The following UGT1A7 variants were observed in gnomAD, a reference collection of about 807,000 sequenced individuals.
UGT1A7 encodes UDP glucuronosyltransferase family 1 member A7.
A neutral mutation model predicts 45.6 loss-of-function variants in UGT1A7; 33 were observed. The observed-to-expected ratio is 0.72, with a 90% CI of 0.55 to 0.97. The LOEUF is 0.97. UGT1A7 is among the 50% of genes least tolerant of loss of function. UGT1A7 has a pLI of 0.00. For missense variants in UGT1A7, 684 were observed against 666.2 expected, an observed-to-expected ratio of 1.03 and a Z score of -0.29; for synonymous variants, 274 against 250.6, an observed-to-expected ratio of 1.09 and a Z score of -0.88.
At chr2:233,743,972 A>G in intron 1 of UGT1A7, 2 of 1,321,206 alleles carry the variant, frequency 1.5e-6, no homozygotes, top group African/African-American at 1.5e-5. Flanking sequence ...CAAGGCTGCC[A>G]GCACCCAGGC....
intron 3 of UGT1A7, 56 bp from the exon 4 acceptor site, chr2:233,768,164 C>T: frequency 1.2e-6 from 2 of 1,613,412 alleles, no homozygotes; most frequent in Non-Finnish European, 1.7e-6. Flanking sequence ...CTAGATGTGT[C>T]CAGCTGTGAA....
At position 233,769,465 on chromosome 2, in the gene UGT1A7, G is replaced by A. The variant is rs34036745; in HGVS notation, c.1295+1026G>A. On this transcript the variant is annotated intron_variant, in intron 4 of 4. Coordinates refer to ENST00000373426, the MANE Select transcript of UGT1A7 (RefSeq NM_019077.3). The surrounding 1 kb of genome is among the most constrained non-coding windows in gnomAD (Gnocchi z 4.4). The stretch of plus-strand genomic sequence containing the variant: ...GGTGCACACGTGTGCATTCATATGC[G>A]TGTGTGTGTGTGTGCGTGTGTTTAT... The A allele has an allele frequency of 1.9e-4, 256 of 1,316,538 alleles. No homozygotes were observed. Among genetic ancestry groups the A allele is most frequent in the Non-Finnish European group, 2.3e-4 (217 of 963,564 alleles). The allele number at this position is 1,316,538 out of a possible 1,614,324, so 81.6% of individuals were successfully genotyped here.
At chr2:233,765,419 T>G (rs970448073) in intron 1 of UGT1A7, among the ~76,000 whole-genome samples, 3 of 152,166 alleles carry the variant, frequency 2.0e-5, no homozygotes, top group Non-Finnish European at 4.4e-5. Context: ...TGGAATACTA[T>G]GCAGCCATAA....
intron 1 of UGT1A7, among the ~76,000 whole-genome samples, chr2:233,694,259 C>G (rs1291026484): frequency 6.6e-6 from 1 of 151,754 alleles, no homozygotes; most frequent in Non-Finnish European, 1.5e-5. Context: ...CAGGGACCAG[C>G]GAACTACAGC....
rs1464490488 is a variant in UGT1A7 at position 233,772,373 on chromosome 2, A to C, written c.1407A>C (p.Pro469=). 1.2e-6 allele frequency: 2 copies of C among 1,614,108 alleles called. No individual in the cohort carries two copies. The highest frequency in any genetic ancestry group is 2.2e-5 in the East Asian group (1 of 44,894). Reference sequence around the variant, plus strand: ...TTGTGATGAGGCACAAGGGCGCGCCACACCTGCGCCCCGCAGCCCACGACC... The same window carrying C: ...TTGTGATGAGGCACAAGGGCGCGCCCCACCTGCGCCCCGCAGCCCACGACC... ...VEFVMRHKGA[P]HLRPAAHDLT... The change falls in exon 5 of 5, where the codon CCA becomes CCC. Residue 469 remains proline, a synonymous_variant. Transcript: ENST00000373426.
chr2:233,768,233 C>A lies in UGT1A7; in HGVS notation c.1089C>A (p.Thr363=), dbSNP rs1699591703. The change falls in exon 4 of 5, where the codon ACC becomes ACA. Residue 363 remains threonine, a synonymous_variant. Coordinates refer to ENST00000373426, the MANE Select transcript of UGT1A7 (RefSeq NM_019077.3). ...PQNDLLGHPM[T]RAFITHAGSH... ...TTTGCATCTCAGGTCACCCGATGAC[C>A]CGTGCCTTTATCACCCATGCTGGTT... 6.2e-7 allele frequency: 1 copy of A among 1,614,170 alleles called. No homozygotes were observed. The highest frequency in any genetic ancestry group is 8.5e-7 in the Non-Finnish European group (1 of 1,180,028).
At chr2:233,688,882 C>A (rs1476610997) in intron 1 of UGT1A7, among the ~76,000 whole-genome samples, 3 of 152,056 alleles carry the variant, frequency 2.0e-5, no homozygotes, top group Admixed American at 2.0e-4. Flanking sequence ...TAAGGAGTGG[C>A]AATCTTGGGA....
intron 4 of UGT1A7, 99 bp downstream of exon 4, chr2:233,768,538 C>T: frequency 1.5e-6 from 2 of 1,345,412 alleles, no homozygotes; most frequent in South Asian, 1.4e-5. Context: ...AGCGTTGTTT[C>T]AAATATAAAA....
chr2:233,719,081 G>A (rs146146688), intron 1 of UGT1A7: 3 of 1,614,150 alleles, frequency 1.9e-6, no homozygotes, highest in Non-Finnish European at 2.5e-6. Context: ...GGACCCAGAA[G>A]GAATTTGATC....
intron 1 of UGT1A7, chr2:233,693,560 C>G: frequency 6.2e-7 from 1 of 1,614,184 alleles, no homozygotes. Context: ...CAGCAGAAGC[C>G]CAGACCCTGT....
intron 1 of UGT1A7, among the ~76,000 whole-genome samples, chr2:233,724,119 G>A (rs1327289956): frequency 1.4e-4 from 15 of 110,060 alleles, no homozygotes; most frequent in South Asian, 3.2e-4. Context: ...GGGCAGAGGC[G>A]CCCCTCACCT....
In UGT1A7 at chr2:233,682,770, A is replaced by G; in HGVS notation, c.833A>G (p.His278Arg). 2 of 1,613,604 alleles carry G rather than the reference A, an allele frequency of 1.2e-6. No individual in the cohort carries two copies. Among genetic ancestry groups the G allele is most frequent in the Non-Finnish European group, 8.5e-7 (1 of 1,179,556 alleles). ...ATCTTCATTGGTGGTATCAACTGTC[A>G]TCAGGGAAAGCCAGTGCCTATGGTA... ...NMIFIGGINC[H>R]QGKPVPMEFE... Residue 278 changes from histidine to arginine, a missense_variant, in exon 1 of 5, where the codon CAT becomes CGT. By Grantham distance (29) the His-to-Arg change is conservative. Coordinates refer to ENST00000373426, the MANE Select transcript of UGT1A7 (RefSeq NM_019077.3).
intron 1 of UGT1A7, chr2:233,722,037 T>C (rs1179266679): frequency 1.2e-5 from 3 of 240,304 alleles, no homozygotes; most frequent in African/African-American, 2.3e-5. Flanking sequence ...AATTGCATGA[T>C]TTTGTGGTGT....
chr2:233,683,217 A>G (rs910612705), intron 1 of UGT1A7, among the ~76,000 whole-genome samples: 5 of 152,166 alleles, frequency 3.3e-5, no homozygotes, highest in African/African-American at 1.2e-4. Flanking sequence ...TATTTTATCA[A>G]TATAAAATCT....
intron 1 of UGT1A7, among the ~76,000 whole-genome samples, chr2:233,763,630 G>T (rs1698361398): frequency 6.6e-6 from 1 of 152,108 alleles, no homozygotes; most frequent in South Asian, 2.1e-4. Flanking sequence ...CTCTTGTGTT[G>T]ATGGTCCTAT....
At chr2:233,749,855 C>G (rs1694286489) in intron 1 of UGT1A7, among the ~76,000 whole-genome samples, 1 of 151,986 alleles carries the variant, frequency 6.6e-6, no homozygotes, top group Non-Finnish European at 1.5e-5. Flanking sequence ...GCCTCTCTCT[C>G]ACTTTCTGCC....
intron 1 of UGT1A7, among the ~76,000 whole-genome samples, chr2:233,717,377 A>G (rs1267305224): frequency 6.6e-6 from 1 of 152,110 alleles, no homozygotes; most frequent in Admixed American, 6.5e-5. Flanking sequence ...GCCCTTACAG[A>G]CCTGCCCTCT....
chr2:233,716,952 C>T (rs1236803568), intron 1 of UGT1A7, among the ~76,000 whole-genome samples: 3 of 152,142 alleles, frequency 2.0e-5, no homozygotes, highest in Non-Finnish European at 4.4e-5. Context: ...TCCCAGGCAC[C>T]AGGAATGTGA....
chr2:233,685,645 C>T (rs2074748193), intron 1 of UGT1A7, among the ~76,000 whole-genome samples: 1 of 152,174 alleles, frequency 6.6e-6, no homozygotes, highest in Admixed American at 6.5e-5. Flanking sequence ...CGAACATATA[C>T]CAAGGAGAGG....
Sources: gnomAD v4.1 joint callset for allele counts (sites outside exome capture counted in the v4.1 genomes callset) on GRCh38, gnomAD v4.1.1 for gene constraint, Gnocchi (gnomAD v3.1) non-coding constraint, MANE v1.5 for transcripts, NCBI Gene and HGNC (gene_info 2026-07-23, HGNC 2026-07-21) for gene names.